CCDC180: variants seen among roughly 807,000 people sequenced by gnomAD.
CCDC180 encodes the protein coiled-coil domain containing 180, also known as coiled-coil domain-containing protein 180.
Under a neutral mutation model 209.2 loss-of-function variants are expected in CCDC180, and 154 were observed. The observed-to-expected ratio is 0.74, with a 90% CI of 0.65 to 0.84. The LOEUF (loss-of-function observed/expected upper bound fraction) is 0.84. Ranked by LOEUF, CCDC180 falls within the 40% of genes least tolerant of loss-of-function variation. The probability of loss-of-function intolerance (pLI) is 0.00; values close to 1 mark genes in which losing one functional copy is unlikely to be tolerated. For missense variants in CCDC180, 1,874 were observed against 1,997.3 expected, an observed-to-expected ratio of 0.94 and a Z score of 1.18; for synonymous variants, 778 against 749.1, an observed-to-expected ratio of 1.04 and a Z score of -0.63.
chr9:97,330,092 TGGG>T, intron 16 of CCDC180, 59 bp from the exon 17 acceptor site: 3 of 689,582 alleles, frequency 4.4e-6, no homozygotes, highest in Non-Finnish European at 6.9e-6. Context: ...AAAAAAAAGG[TGGG>T]GGGCACTCTG....
intron 18 of CCDC180, among the ~76,000 whole-genome samples, chr9:97,339,176 T>G (rs1826000871): frequency 6.6e-6 from 1 of 152,210 alleles, no homozygotes; most frequent in Admixed American, 6.5e-5. Flanking sequence ...TTAATATTGT[T>G]ATGTGTGAAT....
At chr9:97,376,484 G>T in intron 36 of CCDC180, 1 of 314,736 alleles carries the variant, frequency 3.2e-6, no homozygotes, top group Non-Finnish European at 6.1e-6. Context: ...AGGAAGGAGT[G>T]CTGAGCCTAG....
chr9:97,378,681 T>C lies in CCDC180; in HGVS notation c.*1787T>C, dbSNP rs139467461. ...GTCGGACAAGGGCGAGGATGTCCCA[T>C]GCAGGGCTCCTAGAAAGAAGGCAGA... is the stretch of plus-strand genomic sequence containing the variant. On this transcript the variant is annotated 3_prime_UTR_variant, in exon 37 of 37. Transcript: ENST00000529487. Among the ~76,000 whole-genome samples, 339 of 152,336 alleles carry C rather than the reference T, an allele frequency of 2.2e-3. 6 individuals are homozygous for C. In the East Asian group the frequency reaches 0.036, roughly 16 times the overall value.
At chr9:97,348,204 C>A (rs1826328856) in intron 20 of CCDC180, among the ~76,000 whole-genome samples, 1 of 151,954 alleles carries the variant, frequency 6.6e-6, no homozygotes, top group Non-Finnish European at 1.5e-5. Flanking sequence ...CTTCAAAGCC[C>A]TTTAGAGCTA....
rs187383748 is a variant in CCDC180, at chr9:97,336,106, A to C, written c.2274+5339A>C. On this transcript the variant is annotated intron_variant, in intron 18 of 36. Transcript: ENST00000529487. Reference sequence around the variant, plus strand: ...CTTTGTCAGATGGGTAGATTGCAAAAATTTTCTCCCATTCTGTAGGTTGCC... The same window carrying C: ...CTTTGTCAGATGGGTAGATTGCAAACATTTTCTCCCATTCTGTAGGTTGCC... 2.1e-3 allele frequency among the ~76,000 whole-genome samples: 326 copies of C among 152,188 alleles called. 1 individual carries two copies. Among genetic ancestry groups the C allele is most frequent in the African/African-American group, 7.3e-3 (301 of 41,510 alleles).
intron 18 of CCDC180, among the ~76,000 whole-genome samples, chr9:97,337,463 GT>G (rs1825943389): frequency 6.7e-6 from 1 of 149,470 alleles, no homozygotes; most frequent in South Asian, 2.1e-4. Flanking sequence ...GATGGATTAC[GT>G]TTATTGATTT....
chr9:97,308,120 C>T lies in CCDC180; in HGVS notation c.57C>T (p.Ile19=). The T allele has an allele frequency of 1.9e-6, 3 of 1,605,566 alleles. No homozygotes were observed. The highest frequency in any genetic ancestry group is 2.6e-6 in the Non-Finnish European group (3 of 1,176,036). ...QVPNGKAYQQ[I]FQAEVQLVHS... ...CGAATGGGAAAGCCTACCAGCAGAT[C>T]TTCCAGGCTGAGGTAGGAGCCGCCC... Residue 19 remains isoleucine (I), a synonymous_variant, in exon 2 of 37, where the codon ATC becomes ATT. Coordinates refer to ENST00000529487, the MANE Select transcript of CCDC180 (RefSeq NM_020893.6).
In CCDC180 at chr9:97,377,399, T is replaced by A. The variant is rs938276164; in HGVS notation, c.*505T>A. 6.8e-6 allele frequency: 1 copy of A among 146,102 alleles called. No individual in the cohort carries two copies. The highest frequency in any genetic ancestry group is 1.5e-5 in the Non-Finnish European group (1 of 65,844). 9.1% of individuals were successfully genotyped at this position (146,102 alleles called of 1,614,324 possible). ...TTGCAATATTTTGGAAAAAAAAAAA[T>A]CTTCCAGGCTCCTTTAGTCCTGTGT... On this transcript the variant is annotated 3_prime_UTR_variant, in exon 37 of 37. Coordinates refer to ENST00000529487, the MANE Select transcript of CCDC180 (RefSeq NM_020893.6).
At chr9:97,309,213 C>T (rs1178174627) in intron 2 of CCDC180, among the ~76,000 whole-genome samples, 3 of 152,176 alleles carry the variant, frequency 2.0e-5, no homozygotes, top group Non-Finnish European at 4.4e-5. Context: ...AGAAAGAGGC[C>T]TTCTTTGAAG....
intron 18 of CCDC180, among the ~76,000 whole-genome samples, chr9:97,331,764 G>A (rs1825762165): frequency 6.6e-6 from 1 of 152,028 alleles, no homozygotes; most frequent in Non-Finnish European, 1.5e-5. Context: ...GTTTTTGCTT[G>A]TTAATTTAAA....
chr9:97,370,170 C>T, intron 32 of CCDC180, 88 bp downstream of exon 32: 1 of 1,418,742 alleles, frequency 7.0e-7, no homozygotes, highest in Non-Finnish European at 9.5e-7. Flanking sequence ...AGGGCCAAGT[C>T]CAAGGGAAGA....
intron 19 of CCDC180, 107 bp from the exon 20 acceptor site, chr9:97,347,207 A>G: frequency 1.9e-6 from 2 of 1,079,680 alleles, no homozygotes; most frequent in Non-Finnish European, 2.6e-6. Flanking sequence ...CTGGGAAATG[A>G]AATGAAGAAT....
rs773273618 is a variant in CCDC180, at chr9:97,347,359, G to GTGT, written c.2546_2548dup (p.Cys849dup). ...AGCACCTTGAGAAGTGGTTTGACCAGTGTTCCCTCAACACCCGGGTCACCG... is the reference window on the plus strand; with the variant it reads ...AGCACCTTGAGAAGTGGTTTGACCAGTGTTGTTCCCTCAACACCCGGGTCACCG... On this transcript the variant is annotated inframe_insertion, in exon 20 of 37. Transcript: ENST00000529487. 9 of 1,536,130 alleles carry GTGT rather than the reference G, an allele frequency of 5.9e-6. No individual in the cohort carries two copies. Among genetic ancestry groups the GTGT allele is most frequent in the Non-Finnish European group, 7.8e-6 (9 of 1,146,916 alleles).
chr9:97,349,157 G>A lies in CCDC180; in HGVS notation c.2721G>A (p.Gly907=). The change falls in exon 21 of 37, where the codon GGG becomes GGA. Residue 907 remains glycine, a synonymous_variant. Transcript: ENST00000529487. ...HQEQLDSHCA[G]VTETLKKKRL... ...AGCAGTTGGACAGCCACTGTGCTGG[G>A]GTGACCGAGACGCTGAAGAAGAAGC... 1 of 1,536,274 alleles carries A rather than the reference G, an allele frequency of 6.5e-7. No individual in the cohort carries two copies. Among genetic ancestry groups the A allele is most frequent in the Non-Finnish European group, 8.7e-7 (1 of 1,146,948 alleles).
rs1826287930 is a variant in CCDC180 at position 97,347,352 on chromosome 9, T to A, written c.2537T>A (p.Phe846Tyr). 9 of 1,535,980 alleles carry A rather than the reference T, an allele frequency of 5.9e-6. No individual in the cohort carries two copies. The highest frequency in any genetic ancestry group is 6.1e-6 in the Non-Finnish European group (7 of 1,146,914). ...AGFFEHLEKW[F>Y]DQCSLNTRVT... ...TTCTTCGAGCACCTTGAGAAGTGGT[T>A]TGACCAGTGTTCCCTCAACACCCGG... Residue 846 changes from phenylalanine to tyrosine, a missense_variant, in exon 20 of 37, where the codon TTT becomes TAT. Phe to Tyr is a conservative substitution (Grantham distance 22). Transcript: ENST00000529487.
At chr9:97,348,028 A>G (rs575585370) in intron 20 of CCDC180, among the ~76,000 whole-genome samples, 1 of 152,214 alleles carries the variant, frequency 6.6e-6, no homozygotes, top group Non-Finnish European at 1.5e-5. Context: ...ACAGCCTCCA[A>G]AAGTGGTAGC....
At chr9:97,333,513 T>TG (rs1825811260) in intron 18 of CCDC180, among the ~76,000 whole-genome samples, 3 of 149,316 alleles carry the variant, frequency 2.0e-5, no homozygotes, top group Non-Finnish European at 4.5e-5. Flanking sequence ...GTTTTTTTTT[T>TG]TTTTTTTTTT....
intron 2 of CCDC180, 143 bp from the exon 3 acceptor site, chr9:97,309,271 A>T: frequency 1.5e-6 from 1 of 665,060 alleles, no homozygotes; most frequent in East Asian, 3.1e-5. Context: ...TAGGGATATG[A>T]CCTGGGGCTG....
chr9:97,324,930 T>G, intron 13 of CCDC180, 89 bp from the exon 14 acceptor site: 1 of 1,267,988 alleles, frequency 7.9e-7, no homozygotes, highest in Non-Finnish European at 1.1e-6. Context: ...TGTTCAGTCG[T>G]TAGAGACAGG....
Sources: allele counts gnomAD v4.1 joint callset (sites outside exome capture counted in the v4.1 genomes callset), GRCh38; gene constraint gnomAD v4.1.1; transcripts MANE v1.5; gene names NCBI Gene and HGNC (gene_info 2026-07-23, HGNC 2026-07-21).